Variants in VTI1A observed in about 807,000 individuals in gnomAD.
VTI1A encodes vesicle transport through interaction with t-SNAREs 1A.
Under a neutral mutation model 34.9 loss-of-function variants are expected in VTI1A, and 22 were observed. The observed-to-expected ratio is 0.63, with a 90% CI of 0.45 to 0.90. The LOEUF is 0.90. VTI1A is among the 40% of genes least tolerant of loss of function. The pLI, the probability that VTI1A is intolerant of heterozygous loss-of-function variation, is 0.00. For missense variants in VTI1A, 268 were observed against 275.6 expected (o/e 0.97, Z 0.20); for synonymous variants, 87 against 97.3 (o/e 0.89, Z 0.62).
At chr10:112,808,362 A>G (rs1853160020) in intron 7 of VTI1A, among the ~76,000 whole-genome samples, 1 of 152,190 alleles carries the variant, frequency 6.6e-6, no homozygotes, top group South Asian at 2.1e-4. Context: ...GCAGTGCCTC[A>G]TGCCTGTAAT....
rs190992781 is a variant in VTI1A, at chr10:112,706,590, C to T, written c.560+37592C>T. Among the ~76,000 whole-genome samples, 347 of 152,284 alleles carry T rather than the reference C, an allele frequency of 2.3e-3. 4 individuals are homozygous for T. Among genetic ancestry groups the T allele is most frequent in the Non-Finnish European group, 1.8e-3 (124 of 68,028 alleles). ...GAAAGAGACAAAGCTATTACCTGCA[C>T]GCATATTGGTCCTTGTGAAAGGATT... On this transcript the variant is annotated intron_variant, in intron 7 of 7. Transcript: ENST00000393077.
chr10:112,673,482 A>ACACACACG (rs1847928995), intron 7 of VTI1A, among the ~76,000 whole-genome samples: 1 of 151,676 alleles, frequency 6.6e-6, no homozygotes, highest in African/African-American at 2.4e-5. Context: ...ACACACACAC[A>ACACACACG]CGCACTCAGA....
At chr10:112,704,840 T>C (rs1590091999) in intron 7 of VTI1A, among the ~76,000 whole-genome samples, 1 of 151,904 alleles carries the variant, frequency 6.6e-6, no homozygotes, top group Non-Finnish European at 1.5e-5. Context: ...GATGGTGTTA[T>C]GGATACCTCT....
At chr10:112,623,609 G>A (rs1437842193) in intron 5 of VTI1A, among the ~76,000 whole-genome samples, 1 of 152,002 alleles carries the variant, frequency 6.6e-6, no homozygotes, top group Non-Finnish European at 1.5e-5. Context: ...CTCCCCAACA[G>A]GTCTTAGAAC....
At chr10:112,504,999 T>A (rs1849378852) in intron 3 of VTI1A, among the ~76,000 whole-genome samples, 1 of 152,190 alleles carries the variant, frequency 6.6e-6, no homozygotes, top group South Asian at 2.1e-4. Flanking sequence ...TTATTTTTTT[T>A]AATGCTTTGA....
At chr10:112,517,389 A>G (rs994298452) in intron 3 of VTI1A, among the ~76,000 whole-genome samples, 18 of 152,130 alleles carry the variant, frequency 1.2e-4, no homozygotes, top group African/African-American at 4.3e-4. Context: ...CCAGACTGAT[A>G]TAAATAGATG....
At chr10:112,643,477 T>C (rs1011275735) in intron 5 of VTI1A, among the ~76,000 whole-genome samples, 2 of 152,194 alleles carry the variant, frequency 1.3e-5, no homozygotes, top group Non-Finnish European at 2.9e-5. Context: ...AAGGTGATTA[T>C]TACTCTTGAG....
At chr10:112,496,583 T>A (rs1273151194) in intron 3 of VTI1A, among the ~76,000 whole-genome samples, 1 of 151,730 alleles carries the variant, frequency 6.6e-6, no homozygotes, top group Non-Finnish European at 1.5e-5. Flanking sequence ...AAAAAAAAAA[T>A]TATACATGAA....
chr10:112,739,947 T>C (rs1202694423), intron 7 of VTI1A, among the ~76,000 whole-genome samples: 6 of 152,260 alleles, frequency 3.9e-5, no homozygotes, highest in African/African-American at 1.4e-4. Context: ...ATCATTTTTT[T>C]TAAATTATGC....
intron 7 of VTI1A, among the ~76,000 whole-genome samples, chr10:112,708,954 G>T (rs1331759165): frequency 1.3e-5 from 2 of 152,184 alleles, no homozygotes; most frequent in Non-Finnish European, 2.9e-5. Flanking sequence ...CCCATAGCTG[G>T]CATGTTTATG....
chr10:112,790,099 A>G (rs141698774), intron 7 of VTI1A, among the ~76,000 whole-genome samples: 1 of 152,024 alleles, frequency 6.6e-6, no homozygotes, highest in Non-Finnish European at 1.5e-5. Flanking sequence ...GCTGCAGTCT[A>G]CTCAGTTGTT....
At chr10:112,665,682 C>G (rs917887053) in intron 5 of VTI1A, among the ~76,000 whole-genome samples, 1 of 152,098 alleles carries the variant, frequency 6.6e-6, no homozygotes, top group South Asian at 2.1e-4. Flanking sequence ...GTTTTCCCCT[C>G]GGCGAACCTG....
chr10:112,757,351 A>AT (rs1175362768), intron 7 of VTI1A, among the ~76,000 whole-genome samples: 1,881 of 40,612 alleles, frequency 0.046, 407 homozygotes, highest in Non-Finnish European at 0.058. Flanking sequence ...TGTTGCTGTG[A>AT]TTTTTTTTTT....
intron 5 of VTI1A, among the ~76,000 whole-genome samples, chr10:112,643,151 ATTTTTTTTTTTTCT>A (rs1846645578): frequency 3.2e-5 from 4 of 123,460 alleles, no homozygotes; most frequent in Admixed American, 8.4e-5. Flanking sequence ...CACCTGGCTA[ATTTTTTTTTTTTCT>A]TTTTTTTTTT....
In VTI1A at chr10:112,736,795, A is replaced by G. The variant is rs776753246; in HGVS notation, c.560+67797A>G. ...CTTGAACCAGAACCAGCCAGTGGAA[A>G]TTACTCAAACACGTATTGTGCCTTC... On this transcript the variant is annotated intron_variant, in intron 7 of 7. Coordinates refer to ENST00000393077, the MANE Select transcript of VTI1A (RefSeq NM_145206.4). 2.1e-5 allele frequency: 31 copies of G among 1,462,076 alleles called. No individual in the cohort carries two copies. The East Asian group carries it at 7.2e-4, about 34-fold the overall frequency. The allele number at this position is 1,462,076 out of a possible 1,614,324, so 90.6% of individuals were successfully genotyped here.
At chr10:112,738,601 A>G (rs988252624) in intron 7 of VTI1A, among the ~76,000 whole-genome samples, 9 of 152,230 alleles carry the variant, frequency 5.9e-5, no homozygotes, top group Admixed American at 2.6e-4. Flanking sequence ...TGTAAAGTTC[A>G]GTGTAAAATT....
intron 3 of VTI1A, among the ~76,000 whole-genome samples, chr10:112,509,118 A>T (rs1849529287): frequency 6.6e-6 from 1 of 152,230 alleles, no homozygotes; most frequent in Non-Finnish European, 1.5e-5. Context: ...TGTATGCTAG[A>T]GGATAAACTT....
chr10:112,779,804 C>T lies in VTI1A; in HGVS notation c.561-35486C>T, dbSNP rs538063605. On this transcript the variant is annotated intron_variant, in intron 7 of 7. Transcript: ENST00000393077. ...TACTCCCATAAACAGGTGAGATTGG[C>T]GAGAGAAGAAATTATTTTTCAACGT... 1.6e-4 allele frequency among the ~76,000 whole-genome samples: 24 copies of T among 152,196 alleles called. No individual in the cohort carries two copies. The South Asian group carries it at 4.4e-3, about 28-fold the overall frequency.
intron 3 of VTI1A, among the ~76,000 whole-genome samples, chr10:112,476,308 A>G (rs1423741555): frequency 6.6e-6 from 1 of 152,218 alleles, no homozygotes; most frequent in Admixed American, 6.5e-5. Flanking sequence ...AGACTAGTGG[A>G]ATCTCCGTTT....
Sources: gnomAD v4.1 joint callset for allele counts (sites outside exome capture counted in the v4.1 genomes callset) on GRCh38, gnomAD v4.1.1 for gene constraint, MANE v1.5 for transcripts, NCBI Gene and HGNC (gene_info 2026-07-23, HGNC 2026-07-21) for gene names.